Variants in MDH1 observed in about 807,000 individuals in gnomAD.
MDH1 encodes the protein malate dehydrogenase 1.
A neutral mutation model predicts 38.7 loss-of-function variants in MDH1; 15 were observed. The observed-to-expected ratio is 0.39, with a 90% CI of 0.26 to 0.60. The LOEUF (loss-of-function observed/expected upper bound fraction) is 0.60, where lower values mean the gene tolerates loss of function less well. Among genes scored for constraint, MDH1 ranks in the 20% least tolerant of loss-of-function variants. The pLI is 0.56. For missense variants in MDH1, 368 were observed against 405.2 expected, an observed-to-expected ratio of 0.91 and a Z score of 0.79; for synonymous variants, 144 against 143.6, an observed-to-expected ratio of 1.00 and a Z score of -0.02.
intron 2 of MDH1, 91 bp from the exon 3 acceptor site, chr2:63,595,332 G>A (rs1312529707): frequency 2.5e-6 from 2 of 806,488 alleles, no homozygotes; most frequent in African/African-American, 3.4e-5. Context: ...TTACATGCAT[G>A]TACATACCAA....
intron 1 of MDH1, among the ~76,000 whole-genome samples, chr2:63,592,737 T>G (rs1709224443): frequency 6.6e-6 from 1 of 152,266 alleles, no homozygotes; most frequent in Admixed American, 6.5e-5. Flanking sequence ...CATTTCCATC[T>G]TTTTGATAGT....
chr2:63,589,002 C>G lies in MDH1; in HGVS notation c.-42C>G. On this transcript the variant is annotated 5_prime_UTR_variant, in exon 1 of 9. Transcript: ENST00000233114. ...GTAGAGGTGACCTGACTCTCTGAGG[C>G]TCATTTTGCAGTTGTTGAAATTGTC... 1.2e-6 allele frequency: 2 copies of G among 1,614,200 alleles called. No homozygotes were observed. The highest frequency in any genetic ancestry group is 1.1e-5 in the South Asian group (1 of 91,084).
chr2:63,602,612 C>A (rs1709444499), intron 5 of MDH1, among the ~76,000 whole-genome samples: 1 of 150,116 alleles, frequency 6.7e-6, no homozygotes, highest in Non-Finnish European at 1.5e-5. Context: ...AGTGTAGATT[C>A]CTGTAACTGC....
Position 63,593,834 on chromosome 2 carries a change from A to G in MDH1, c.4-654A>G, listed in dbSNP as rs1206092956. Reference sequence around the variant, plus strand: ...TTTACTCAGAGTCATCACTTTGAATATCAGTTATCTTTGTTTCTATGTCTG... The same window carrying G: ...TTTACTCAGAGTCATCACTTTGAATGTCAGTTATCTTTGTTTCTATGTCTG... On this transcript the variant is annotated intron_variant, in intron 1 of 8. Transcript: ENST00000233114. Among the ~76,000 whole-genome samples, 4 of 152,176 alleles carry G rather than the reference A, an allele frequency of 2.6e-5. No individual in the cohort carries two copies. The East Asian group carries it at 7.7e-4, about 29-fold the overall frequency.
chr2:63,606,441 T>A (rs1709529282), intron 8 of MDH1, among the ~76,000 whole-genome samples: 1 of 152,234 alleles, frequency 6.6e-6, no homozygotes, highest in South Asian at 2.1e-4. Context: ...TAGACATTTT[T>A]CTCAGCTTTA....
intron 2 of MDH1, chr2:63,594,929 G>A: frequency 3.9e-6 from 1 of 258,608 alleles, no homozygotes; most frequent in Non-Finnish European, 7.4e-6. Context: ...ATGGCCTTTG[G>A]AACCAAAAGA....
chr2:63,593,627 A>G (rs1558858917), intron 1 of MDH1: 1 of 471,630 alleles, frequency 2.1e-6, no homozygotes, highest in Non-Finnish European at 4.4e-6. Flanking sequence ...TTCTCCATGC[A>G]GGTAGGGGTA....
At chr2:63,601,695 G>A (rs2106620000) in intron 5 of MDH1, among the ~76,000 whole-genome samples, 1 of 152,266 alleles carries the variant, frequency 6.6e-6, no homozygotes, top group African/African-American at 2.4e-5. Flanking sequence ...GAGGAGGAGG[G>A]CAACAAGAAC....
chr2:63,597,304 C>A, intron 3 of MDH1, 95 bp from the exon 4 acceptor site: 3 of 1,278,042 alleles, frequency 2.3e-6, no homozygotes, highest in Non-Finnish European at 3.0e-6. Context: ...ACACTTGCAA[C>A]AAGTGAAAGA....
chr2:63,589,230 C>T, intron 1 of MDH1, 184 bp downstream of exon 1: 2 of 1,560,946 alleles, frequency 1.3e-6, no homozygotes, highest in Non-Finnish European at 1.7e-6. Context: ...GATTGATTTC[C>T]ACCTTGCGGG....
intron 1 of MDH1, chr2:63,593,615 A>G (rs1165475657): frequency 2.1e-6 from 1 of 471,506 alleles, no homozygotes; most frequent in African/African-American, 2.0e-5. Flanking sequence ...TCAGTGGACC[A>G]TTTCTCCATG....
intron 5 of MDH1, among the ~76,000 whole-genome samples, chr2:63,601,319 A>G (rs1005400236): frequency 2.6e-5 from 4 of 152,216 alleles, no homozygotes; most frequent in Non-Finnish European, 5.9e-5. Flanking sequence ...CTTGGAATTC[A>G]GAGGCCTTAG....
chr2:63,598,744 G>C (rs1200553538), intron 4 of MDH1, among the ~76,000 whole-genome samples: 1 of 152,002 alleles, frequency 6.6e-6, no homozygotes, highest in Non-Finnish European at 1.5e-5. Flanking sequence ...AGATTGTTCA[G>C]ACTGCTAAAT....
rs773415801 is a variant in MDH1, at chr2:63,607,001, T to C, written c.*14T>C. ...TCCTCTGCCTGACTAGACAATGATG[T>C]TACTAAATGCTTCAAAGCTGAAGAA... On this transcript the variant is annotated 3_prime_UTR_variant, in exon 9 of 9. Coordinates refer to ENST00000233114, the MANE Select transcript of MDH1 (RefSeq NM_005917.4). 6.9e-6 allele frequency: 11 copies of C among 1,604,286 alleles called. No homozygotes were observed. In the Admixed American group the frequency reaches 1.9e-4, roughly 28 times the overall value.
intron 5 of MDH1, among the ~76,000 whole-genome samples, chr2:63,601,989 C>T (rs2106620536): frequency 6.6e-6 from 1 of 152,280 alleles, no homozygotes; most frequent in African/African-American, 2.4e-5. Flanking sequence ...GCCACTCTAC[C>T]CTATCCCACA....
In MDH1 at chr2:63,604,875, A is replaced by G; in HGVS notation, c.675+3A>G. On this transcript the variant is annotated splice_donor_region_variant and intron_variant, in intron 6 of 8. Coordinates refer to ENST00000233114, the MANE Select transcript of MDH1 (RefSeq NM_005917.4). Reference sequence around the variant, plus strand: ...GGCTCAAGGGAGAATTTGTCACGGTAAGAAAAATCTGTGAGCCTTCTTAAC... The same window carrying G: ...GGCTCAAGGGAGAATTTGTCACGGTGAGAAAAATCTGTGAGCCTTCTTAAC... 6 of 1,613,862 alleles carry G rather than the reference A, an allele frequency of 3.7e-6. No homozygotes were observed. Among genetic ancestry groups the G allele is most frequent in the African/African-American group, 1.3e-5 (1 of 75,036 alleles).
chr2:63,594,500 A>G lies in MDH1; in HGVS notation c.16A>G (p.Arg6Gly), dbSNP rs1450840263. The change falls in exon 2 of 9, where the codon AGA becomes GGA. Residue 6 changes from arginine to glycine, a missense_variant. Coordinates refer to ENST00000233114, the MANE Select transcript of MDH1 (RefSeq NM_005917.4). MSEPIRVLVTGAAGQI... is the reference protein window; with the variant it reads MSEPIGVLVTGAAGQI... ...TTTTTCATTACAGTCTGAACCAATC[A>G]GAGTCCTTGTGACTGGAGCAGCTGG... 12 of 1,613,236 alleles carry G rather than the reference A, an allele frequency of 7.4e-6. No homozygotes were observed. The highest frequency in any genetic ancestry group is 1.0e-5 in the Non-Finnish European group (12 of 1,179,234).
In MDH1 at chr2:63,594,484, A is replaced by G; in HGVS notation, c.4-4A>G. The stretch of plus-strand genomic sequence containing the variant: ...AAGATGTTAATGGGTCTTTTTCATT[A>G]CAGTCTGAACCAATCAGAGTCCTTG... On this transcript the variant is annotated splice_polypyrimidine_tract_variant and splice_region_variant and intron_variant, in intron 1 of 8. Coordinates refer to ENST00000233114, the MANE Select transcript of MDH1 (RefSeq NM_005917.4). The G allele has an allele frequency of 6.2e-7, 1 of 1,607,890 alleles. No individual in the cohort carries two copies. Among genetic ancestry groups the G allele is most frequent in the Non-Finnish European group, 8.5e-7 (1 of 1,174,522 alleles).
In MDH1 at chr2:63,606,033, G is replaced by C; in HGVS notation, c.879+5G>C. 6.2e-7 allele frequency: 1 copy of C among 1,611,552 alleles called. No individual in the cohort carries two copies. Among genetic ancestry groups the C allele is most frequent in the Non-Finnish European group, 8.5e-7 (1 of 1,177,696 alleles). ...TCATTCCCTGTTGTAATCAAGGTAAGGTATTTTGGAGCTATTTCCCTTCTT... is the reference window on the plus strand; with the variant it reads ...TCATTCCCTGTTGTAATCAAGGTAACGTATTTTGGAGCTATTTCCCTTCTT... On this transcript the variant is annotated splice_donor_5th_base_variant and intron_variant, in intron 8 of 8. Coordinates refer to ENST00000233114, the MANE Select transcript of MDH1 (RefSeq NM_005917.4).
Sources: gnomAD v4.1 joint callset for allele counts (sites outside exome capture counted in the v4.1 genomes callset) on GRCh38, gnomAD v4.1.1 for gene constraint, MANE v1.5 for transcripts, NCBI Gene and HGNC (gene_info 2026-07-23, HGNC 2026-07-21) for gene names.